Variants in LEMD1 observed in about 807,000 individuals in gnomAD.
The protein encoded by LEMD1 is LEM domain containing 1, also known as LEM domain-containing protein 1.
Under a neutral mutation model 17.4 loss-of-function variants are expected in LEMD1, and 18 were observed. That is an observed-to-expected ratio of 1.04 (90% CI 0.72 to 1.54). The LOEUF (loss-of-function observed/expected upper bound fraction) is 1.54, where lower values mean the gene tolerates loss of function less well. Among genes scored for constraint, LEMD1 ranks in the 40% most tolerant of loss-of-function variants. The pLI is 0.00. For synonymous variants in LEMD1, 88 were observed against 77.8 expected, an observed-to-expected ratio of 1.13 and a Z score of -0.69; for missense variants, 195 against 210.4, an observed-to-expected ratio of 0.93 and a Z score of 0.45.
chr1:205,445,378 C>T (rs1260236793), intron 1 of LEMD1, among the ~76,000 whole-genome samples: 1 of 152,216 alleles, frequency 6.6e-6, no homozygotes, highest in Non-Finnish European at 1.5e-5. Flanking sequence ...CAAAACTGGG[C>T]ACAGACCTCC....
chr1:205,408,997 C>T (rs554682834), intron 4 of LEMD1, among the ~76,000 whole-genome samples: 79 of 152,058 alleles, frequency 5.2e-4, no homozygotes, highest in African/African-American at 1.8e-3. Flanking sequence ...ACCACCACAC[C>T]GGGCTAATTT....
At chr1:205,415,349 G>C (rs543784792) in intron 4 of LEMD1, among the ~76,000 whole-genome samples, 250 of 152,298 alleles carry the variant, frequency 1.6e-3, no homozygotes, top group African/African-American at 5.8e-3. Context: ...AGAGAAGCGT[G>C]TGTGGGGACG....
Position 205,384,147 on chromosome 1 carries a change from G to A in LEMD1, c.347+141C>T, listed in dbSNP as rs1663871134. On this transcript the variant is annotated intron_variant, in intron 5 of 5. Coordinates refer to ENST00000367153, the MANE Select transcript of LEMD1 (RefSeq NM_001199050.2). ...AACTAGTAACTTTGGCTTTGAAATTGTTGGATATTACAAATCTTTCTCCTT... is the reference window on the plus strand; with the variant it reads ...AACTAGTAACTTTGGCTTTGAAATTATTGGATATTACAAATCTTTCTCCTT... 1.7e-5 allele frequency: 8 copies of A among 477,046 alleles called. 1 individual carries two copies. In the South Asian group the frequency reaches 3.3e-4, roughly 20 times the overall value. 29.6% of individuals were successfully genotyped at this position (477,046 alleles called of 1,614,324 possible). A position where few individuals can be genotyped will look rare whatever the true frequency, so the allele number is the denominator to read the frequency against.
At chr1:205,413,322 C>G (rs1171364991) in intron 4 of LEMD1, among the ~76,000 whole-genome samples, 1 of 152,070 alleles carries the variant, frequency 6.6e-6, no homozygotes, top group Non-Finnish European at 1.5e-5. Context: ...GGGTCTCGCT[C>G]TGTCACCCAG....
At chr1:205,420,648 AGT>A (rs1665920699) in intron 1 of LEMD1, 74 bp from the exon 2 acceptor site, 1 of 814,306 alleles carries the variant, frequency 1.2e-6, no homozygotes, top group Admixed American at 2.0e-5. Context: ...AATCCACATA[AGT>A]GTTTATAATC....
chr1:205,403,826 C>G (rs1024000651), intron 4 of LEMD1, among the ~76,000 whole-genome samples: 3 of 151,962 alleles, frequency 2.0e-5, no homozygotes, highest in Non-Finnish European at 4.4e-5. Context: ...CCTGCTTTCT[C>G]TTGTGGGCAT....
rs1004660661 is a variant in LEMD1, at chr1:205,382,436, A to T, written c.348-580T>A. On this transcript the variant is annotated intron_variant, in intron 5 of 5. Transcript: ENST00000367153. Reference sequence around the variant, plus strand: ...TGTCTCCAAAAAAATTAAAAAATAAATTTTTTTGTAGAGACGAGGGCTCAC... The same window carrying T: ...TGTCTCCAAAAAAATTAAAAAATAATTTTTTTTGTAGAGACGAGGGCTCAC... Among the ~76,000 whole-genome samples the T allele has an allele frequency of 9.9e-5, 15 of 151,752 alleles. No individual in the cohort carries two copies. In the South Asian group the frequency reaches 2.1e-3, roughly 21 times the overall value.
At chr1:205,406,624 C>G (rs1373084655) in intron 4 of LEMD1, among the ~76,000 whole-genome samples, 1 of 152,174 alleles carries the variant, frequency 6.6e-6, no homozygotes, top group Non-Finnish European at 1.5e-5. Flanking sequence ...CTTTCCTTGA[C>G]CAGGAAAGGG....
intron 1 of LEMD1, among the ~76,000 whole-genome samples, chr1:205,442,360 G>A (rs1188936786): frequency 6.6e-6 from 1 of 152,224 alleles, no homozygotes; most frequent in Non-Finnish European, 1.5e-5. Context: ...ACCCCAGCAA[G>A]GCACATGTGC....
In LEMD1 at chr1:205,381,664, A is replaced by C; in HGVS notation, c.540T>G (p.Phe180Leu). Residue 180 changes from phenylalanine (F) to leucine (L), a missense_variant, in exon 6 of 6, where the codon TTT becomes TTG. Physicochemically the swap from Phe to Leu is conservative, Grantham distance 22 (BLOSUM62 0). Coordinates refer to ENST00000367153, the MANE Select transcript of LEMD1 (RefSeq NM_001199050.2). The part of the protein sequence containing the change: ...VYLTVENKSL[F>L]G ...TGCTTTGCTCCTAAATTACTTAACC[A>C]AACAGCGACTTATTTTCCACAGTCA... 6.2e-7 allele frequency: 1 copy of C among 1,614,220 alleles called. No homozygotes were observed.
At chr1:205,391,646 G>C (rs1052000901) in intron 4 of LEMD1, among the ~76,000 whole-genome samples, 10 of 152,252 alleles carry the variant, frequency 6.6e-5, no homozygotes, top group African/African-American at 2.4e-4. Context: ...GCACATGGGA[G>C]CCCTCCCAGC....
In LEMD1 at chr1:205,412,915, A is replaced by G. The variant is rs377013505; in HGVS notation, c.270+3317T>C. 5.3e-5 allele frequency among the ~76,000 whole-genome samples: 8 copies of G among 152,358 alleles called. No homozygotes were observed. The East Asian group carries it at 7.7e-4, about 15-fold the overall frequency. On this transcript the variant is annotated intron_variant, in intron 4 of 5. Coordinates refer to ENST00000367153, the MANE Select transcript of LEMD1 (RefSeq NM_001199050.2). Reference sequence around the variant, plus strand: ...GCTTTTTCTGCTGCAGCATCTTTGCAGGAACTATATTAAAGGGTTTTCTGC... The same window carrying G: ...GCTTTTTCTGCTGCAGCATCTTTGCGGGAACTATATTAAAGGGTTTTCTGC...
At chr1:205,386,477 A>G (rs1408242013) in intron 4 of LEMD1, 1 of 151,706 alleles carries the variant, frequency 6.6e-6, no homozygotes, top group Non-Finnish European at 1.5e-5. Flanking sequence ...CTAATTTTTT[A>G]TATTTTTTAG....
chr1:205,387,794 C>CACAGCTGTATATAACT (rs1239724871), intron 4 of LEMD1, among the ~76,000 whole-genome samples: 2 of 152,282 alleles, frequency 1.3e-5, no homozygotes, highest in Non-Finnish European at 2.9e-5. Flanking sequence ...TATTGCTGGC[C>CACAGCTGTATATAACT]ACAGCTGTAG....
intron 4 of LEMD1, among the ~76,000 whole-genome samples, chr1:205,404,056 G>A (rs1380723261): frequency 6.6e-6 from 1 of 152,134 alleles, no homozygotes; most frequent in African/African-American, 2.4e-5. Context: ...ATTGCATTGT[G>A]GTCTGAGAGA....
intron 4 of LEMD1, among the ~76,000 whole-genome samples, chr1:205,411,621 A>AGAAG (rs1365703453): frequency 6.8e-6 from 1 of 147,850 alleles, no homozygotes; most frequent in Non-Finnish European, 1.5e-5. Flanking sequence ...AAAGAAGGAA[A>AGAAG]GAAGGAAGGA....
Position 205,398,055 on chromosome 1 carries a change from A to G in LEMD1, c.271-13691T>C, listed in dbSNP as rs867382947. On this transcript the variant is annotated intron_variant, in intron 4 of 5. Coordinates refer to ENST00000367153, the MANE Select transcript of LEMD1 (RefSeq NM_001199050.2). ...TCATCAATAAGATCAAGATATATTGATCATATCTACCAGGAGGTCAATATT... is the reference window on the plus strand; with the variant it reads ...TCATCAATAAGATCAAGATATATTGGTCATATCTACCAGGAGGTCAATATT... Among the ~76,000 whole-genome samples the G allele has an allele frequency of 3.3e-5, 5 of 152,256 alleles. 1 individual carries two copies. In the South Asian group the frequency reaches 8.3e-4, roughly 25 times the overall value.
intron 1 of LEMD1, among the ~76,000 whole-genome samples, chr1:205,429,033 C>T (rs1330659702): frequency 6.6e-6 from 1 of 152,214 alleles, no homozygotes; most frequent in Non-Finnish European, 1.5e-5. Context: ...TGGGAAGCCA[C>T]TTCCACCGCC....
chr1:205,399,424 C>A (rs1322733797), intron 4 of LEMD1, among the ~76,000 whole-genome samples: 1 of 152,068 alleles, frequency 6.6e-6, no homozygotes, highest in Non-Finnish European at 1.5e-5. Context: ...TGTGTGTATA[C>A]GTATACAGAT....
Sources: gnomAD v4.1 joint callset for allele counts (sites outside exome capture counted in the v4.1 genomes callset) on GRCh38, gnomAD v4.1.1 for gene constraint, MANE v1.5 for transcripts, NCBI Gene and HGNC (gene_info 2026-07-23, HGNC 2026-07-21) for gene names.